Variants in MIGA1 observed in about 807,000 individuals in gnomAD.
MIGA1 encodes family with sequence similarity 73, member A.
Under a neutral mutation model 82.0 loss-of-function variants are expected in MIGA1, and 58 were observed. That is an observed-to-expected ratio of 0.71 (90% confidence interval 0.57 to 0.88). The LOEUF is 0.88. MIGA1 is among the 40% of genes least tolerant of loss of function. The pLI is 0.00. For synonymous variants in MIGA1, 249 were observed against 253.6 expected, an observed-to-expected ratio of 0.98 and a Z score of 0.17; for missense variants, 751 against 749.1, an observed-to-expected ratio of 1.00 and a Z score of -0.03.
chr1:77,785,230 A>G (rs1204860101), intron 2 of MIGA1, among the ~76,000 whole-genome samples: 1 of 152,208 alleles, frequency 6.6e-6, no homozygotes, highest in African/African-American at 2.4e-5. Context: ...TACTTCCTAG[A>G]TAGAATGGGG....
chr1:77,874,491 C>T (rs911662336), intron 15 of MIGA1, among the ~76,000 whole-genome samples: 1 of 152,050 alleles, frequency 6.6e-6, no homozygotes, highest in African/African-American at 2.4e-5. Context: ...GACTATAACC[C>T]CTTACATTTA....
chr1:77,816,709 A>G (rs1030485445), intron 7 of MIGA1, among the ~76,000 whole-genome samples: 1 of 152,250 alleles, frequency 6.6e-6, no homozygotes, highest in Admixed American at 6.5e-5. Context: ...GAAAAAAAGT[A>G]GGCAGTATTC....
intron 2 of MIGA1, among the ~76,000 whole-genome samples, chr1:77,798,295 G>A (rs944646835): frequency 6.6e-6 from 1 of 152,142 alleles, no homozygotes; most frequent in Admixed American, 6.5e-5. Context: ...GACATTCTTG[G>A]CTGTAGCAGC....
At chr1:77,800,055 A>G (rs1203141479) in intron 2 of MIGA1, among the ~76,000 whole-genome samples, 1 of 152,180 alleles carries the variant, frequency 6.6e-6, no homozygotes, top group Non-Finnish European at 1.5e-5. Flanking sequence ...TTAAAGATGC[A>G]TCCACAGTTT....
rs1239023982 is a variant in MIGA1 at position 77,877,044 on chromosome 1, A to G, written c.*1980A>G. The G allele has an allele frequency of 4.6e-5, 7 of 152,068 alleles. No individual in the cohort carries two copies. Among genetic ancestry groups the G allele is most frequent in the African/African-American group, 9.7e-5 (4 of 41,396 alleles). The allele number at this position is 152,068 out of a possible 1,614,324, so 9.4% of individuals were successfully genotyped here. On this transcript the variant is annotated 3_prime_UTR_variant, in exon 16 of 16. Coordinates refer to ENST00000370791, the MANE Select transcript of MIGA1 (RefSeq NM_198549.4). ...CTTTTAAGAGATGGGGTCTCGCTCT[A>G]TTGCCCAGGCTGGAGTGCAGTGTGC...
chr1:77,847,401 T>C (rs139495621), intron 8 of MIGA1: 8 of 1,308,516 alleles, frequency 6.1e-6, no homozygotes, highest in South Asian at 3.5e-5. Context: ...GGGGAAAGAC[T>C]GAAAGCCCAA....
At chr1:77,873,483 T>A (rs1203500010) in intron 15 of MIGA1, among the ~76,000 whole-genome samples, 1 of 152,224 alleles carries the variant, frequency 6.6e-6, no homozygotes, top group African/African-American at 2.4e-5. Context: ...TTTTGAAACT[T>A]ACAAACAATA....
intron 8 of MIGA1, among the ~76,000 whole-genome samples, chr1:77,851,263 G>T (rs1685038905): frequency 6.6e-6 from 1 of 152,072 alleles, no homozygotes; most frequent in Non-Finnish European, 1.5e-5. Context: ...AACAAATATA[G>T]TATTACTTTT....
At chr1:77,850,034 C>CT (rs1684985641) in intron 8 of MIGA1, among the ~76,000 whole-genome samples, 1 of 97,378 alleles carries the variant, frequency 1.0e-5, no homozygotes, top group African/African-American at 3.8e-5. Flanking sequence ...GACTCTCTCT[C>CT]AAAAAAAAAA....
intron 11 of MIGA1, 189 bp downstream of exon 11, chr1:77,860,315 A>C (rs144788550): frequency 3.8e-6 from 2 of 525,752 alleles, no homozygotes; most frequent in African/African-American, 1.9e-5. Flanking sequence ...GTTTCTCATA[A>C]ATTATTTCCA....
intron 2 of MIGA1, among the ~76,000 whole-genome samples, chr1:77,796,142 G>A (rs921050285): frequency 3.6e-4 from 52 of 145,356 alleles, no homozygotes; most frequent in African/African-American, 1.3e-3. Flanking sequence ...TTTTTGAGAT[G>A]GAGTCTCTCT....
At chr1:77,813,951 A>C in intron 6 of MIGA1, 84 bp downstream of exon 6, 6 of 1,426,302 alleles carry the variant, frequency 4.2e-6, no homozygotes, top group Non-Finnish European at 5.8e-6. Context: ...GTAGGGTCTC[A>C]CTGTTGTTAC....
chr1:77,853,203 C>T (rs1051961736), intron 8 of MIGA1, among the ~76,000 whole-genome samples: 2 of 152,150 alleles, frequency 1.3e-5, no homozygotes, highest in Non-Finnish European at 2.9e-5. Flanking sequence ...GGATAAAAGA[C>T]TTGCAAAAAT....
chr1:77,814,992 TCA>T (rs1182963416), intron 6 of MIGA1, 114 bp from the exon 7 acceptor site: 2 of 676,058 alleles, frequency 3.0e-6, no homozygotes, highest in Non-Finnish European at 4.4e-6. Flanking sequence ...CCACCATCTC[TCA>T]GTTGTTTTTT....
rs1557901045 is a variant in MIGA1, at chr1:77,803,230, CGT to C, written c.374-39_374-38del. ...ATTTTTACCTGAAATTTATCATTGG[CGT>C]TATTGATATTTTTAATATTAGTATG... On this transcript the variant is annotated intron_variant, in intron 3 of 15. Coordinates refer to ENST00000370791, the MANE Select transcript of MIGA1 (RefSeq NM_198549.4). The C allele has an allele frequency of 5.5e-6, 7 of 1,279,498 alleles. No individual in the cohort carries two copies. The Admixed American group carries it at 8.7e-5, about 16-fold the overall frequency. 79.3% of individuals were successfully genotyped at this position (1,279,498 alleles called of 1,614,324 possible). A position where few individuals can be genotyped will look rare whatever the true frequency, so the allele number is the denominator to read the frequency against.
chr1:77,797,568 T>A (rs1682708247), intron 2 of MIGA1, among the ~76,000 whole-genome samples: 1 of 152,194 alleles, frequency 6.6e-6, no homozygotes, highest in Non-Finnish European at 1.5e-5. Flanking sequence ...TTTATGTAGA[T>A]CAAATTGGAG....
Position 77,806,394 on chromosome 1 carries a change from A to G in MIGA1, c.511-581A>G, listed in dbSNP as rs145943952. Among the ~76,000 whole-genome samples the G allele has an allele frequency of 6.5e-3, 996 of 152,360 alleles. 9 individuals are homozygous for G. Among genetic ancestry groups the G allele is most frequent in the African/African-American group, 0.022 (919 of 41,594 alleles). ...TCTGTAGTTAGTTTGAGATGCCAGC[A>G]GAAGAGCCAAATGGAGTCACCTAAA... On this transcript the variant is annotated intron_variant, in intron 4 of 15. Coordinates refer to ENST00000370791, the MANE Select transcript of MIGA1 (RefSeq NM_198549.4).
At chr1:77,811,549 T>C in intron 5 of MIGA1, 1 of 1,608,244 alleles carries the variant, frequency 6.2e-7, no homozygotes, top group South Asian at 1.1e-5. Context: ...CTGTGTGGAC[T>C]GTAAAGCTGC....
At position 77,874,960 on chromosome 1, in the gene MIGA1, TTAA is replaced by T. The variant is rs759043485; in HGVS notation, c.1797_1799del (p.Met600del). The stretch of plus-strand genomic sequence containing the variant: ...GTTACTCATTCGCCGCACTGAGCTT[TTAA>T]TGGCCTATCTTGAAGCAGATGCCCT... On this transcript the variant is annotated inframe_deletion, in exon 16 of 16. Coordinates refer to ENST00000370791, the MANE Select transcript of MIGA1 (RefSeq NM_198549.4). The T allele has an allele frequency of 1.2e-6, 2 of 1,614,158 alleles. No homozygotes were observed. Among genetic ancestry groups the T allele is most frequent in the South Asian group, 2.2e-5 (2 of 91,080 alleles).
Sources: gnomAD v4.1 joint callset for allele counts (sites outside exome capture counted in the v4.1 genomes callset) on GRCh38, gnomAD v4.1.1 for gene constraint, MANE v1.5 for transcripts, NCBI Gene and HGNC (gene_info 2026-07-23, HGNC 2026-07-21) for gene names.